Variants in SNX29 observed in about 807,000 individuals in gnomAD.
SNX29 encodes sorting nexin 29.
In SNX29, 78 loss-of-function variants were observed where a neutral mutation model predicts 102.1. The observed-to-expected ratio is 0.76, with a 90% CI of 0.64 to 0.92. The LOEUF is 0.92. Among genes scored for constraint, SNX29 ranks in the 40% least tolerant of loss-of-function variants. The probability of loss-of-function intolerance (pLI) is 0.00; values close to 1 mark genes in which losing one functional copy is unlikely to be tolerated. For synonymous variants in SNX29, 580 were observed against 414.5 expected (o/e 1.40, Z -4.85); for missense variants, 1,280 against 1,061.7 (o/e 1.21, Z -2.86).
chr16:12,495,237 T>C (rs2151875826), intron 19 of SNX29, among the ~76,000 whole-genome samples: 1 of 152,252 alleles, frequency 6.6e-6, no homozygotes, highest in East Asian at 1.9e-4. Context: ...CTGCACCCTC[T>C]ACCTCCCAGG....
intron 14 of SNX29, among the ~76,000 whole-genome samples, chr16:12,205,673 C>T (rs2077028247): frequency 6.6e-6 from 1 of 152,260 alleles, no homozygotes; most frequent in Non-Finnish European, 1.5e-5. Context: ...CTCCTCTTGA[C>T]TGCCCTGTCT....
At chr16:12,483,095 T>C (rs2088025802) in intron 19 of SNX29, among the ~76,000 whole-genome samples, 1 of 147,522 alleles carries the variant, frequency 6.8e-6, no homozygotes. Flanking sequence ...CCACAATAGA[T>C]ACATATTGAA....
intron 20 of SNX29, among the ~76,000 whole-genome samples, chr16:12,563,526 T>G (rs2078849148): frequency 6.6e-6 from 1 of 152,074 alleles, no homozygotes; most frequent in Non-Finnish European, 1.5e-5. Context: ...ATGTGAAAAA[T>G]TGAGTTGTCT....
chr16:12,043,231 A>G (rs2049957680), intron 5 of SNX29, among the ~76,000 whole-genome samples, 154 bp downstream of exon 5: 1 of 152,070 alleles, frequency 6.6e-6, no homozygotes, highest in Non-Finnish European at 1.5e-5. Flanking sequence ...TGAGCTGTGG[A>G]GAAACTTGGG....
chr16:12,524,966 C>G, intron 20 of SNX29, 125 bp downstream of exon 20: 2 of 1,350,098 alleles, frequency 1.5e-6, no homozygotes, highest in Non-Finnish European at 2.0e-6. Flanking sequence ...CCCAGGCGAA[C>G]TCCAGGGGCT....
intron 15 of SNX29, among the ~76,000 whole-genome samples, chr16:12,326,050 G>C (rs1031986277): frequency 6.6e-6 from 1 of 151,702 alleles, no homozygotes; most frequent in African/African-American, 2.4e-5. Flanking sequence ...TTTTGAGATG[G>C]AGCCTCACTC....
chr16:12,129,296 A>G (rs1309872244), intron 12 of SNX29, among the ~76,000 whole-genome samples: 1 of 152,200 alleles, frequency 6.6e-6, no homozygotes, highest in Non-Finnish European at 1.5e-5. Flanking sequence ...GTAATGTGCT[A>G]CACCTTTGAG....
At chr16:12,321,858 C>T (rs148365442) in intron 15 of SNX29, among the ~76,000 whole-genome samples, 456 of 152,272 alleles carry the variant, frequency 3.0e-3, no homozygotes, top group African/African-American at 0.011. Flanking sequence ...GTGGGGAAGA[C>T]AGAGAGCCGG....
In SNX29 at chr16:12,102,499, G is replaced by A. The variant is rs565835924; in HGVS notation, c.1402+23584G>A. On this transcript the variant is annotated intron_variant, in intron 11 of 20. Transcript: ENST00000566228. ...TGGTATCTCATTGTGGTTTTGATTT[G>A]CATTTCTCTAATGGCCAGTGATGAT... 3.9e-5 allele frequency among the ~76,000 whole-genome samples: 6 copies of A among 152,240 alleles called. No individual in the cohort carries two copies. The East Asian group carries it at 1.2e-3, about 29-fold the overall frequency.
intron 14 of SNX29, among the ~76,000 whole-genome samples, chr16:12,210,110 G>C (rs2077144228): frequency 6.6e-6 from 1 of 152,170 alleles, no homozygotes; most frequent in Admixed American, 6.5e-5. Context: ...CAATCCATGT[G>C]GTTTATGTGG....
chr16:12,030,097 C>T (rs1416206047), intron 4 of SNX29, among the ~76,000 whole-genome samples: 8 of 152,218 alleles, frequency 5.3e-5, no homozygotes, highest in Admixed American at 4.6e-4. Flanking sequence ...CCTTCCCTTG[C>T]TTTCTGCGAT....
At chr16:12,275,908 G>C (rs916949050) in intron 14 of SNX29, among the ~76,000 whole-genome samples, 3 of 145,006 alleles carry the variant, frequency 2.1e-5, no homozygotes, top group African/African-American at 5.2e-5. Flanking sequence ...TTTTTGGGGG[G>C]CGTGGTCAGA....
chr16:12,298,209 T>C (rs1055410869), intron 15 of SNX29, among the ~76,000 whole-genome samples: 1 of 152,168 alleles, frequency 6.6e-6, no homozygotes, highest in Non-Finnish European at 1.5e-5. Flanking sequence ...AGTCATGGCA[T>C]AATTGATGTG....
chr16:12,446,832 C>A (rs2086076723), intron 18 of SNX29, among the ~76,000 whole-genome samples: 1 of 152,046 alleles, frequency 6.6e-6, no homozygotes. Flanking sequence ...TCCCAACGAG[C>A]TGCCTCATGT....
intron 20 of SNX29, among the ~76,000 whole-genome samples, chr16:12,531,065 T>C (rs1280172385): frequency 6.6e-6 from 1 of 152,274 alleles, no homozygotes; most frequent in Non-Finnish European, 1.5e-5. Context: ...GAAGCCATTC[T>C]GGCTTAGAGG....
rs532563930 is a variant in SNX29 at position 12,477,502 on chromosome 16, T to G, written c.2038-217T>G. 2.0e-5 allele frequency among the ~76,000 whole-genome samples: 3 copies of G among 152,344 alleles called. No homozygotes were observed. In the East Asian group the frequency reaches 5.8e-4, roughly 29 times the overall value. ...TGGGAAAATAGCATACAGTATGTTCTTCCCATAACTTGCCTGATTTAGTCA... is the reference window on the plus strand; with the variant it reads ...TGGGAAAATAGCATACAGTATGTTCGTCCCATAACTTGCCTGATTTAGTCA... On this transcript the variant is annotated intron_variant, in intron 18 of 20. Transcript: ENST00000566228.
intron 16 of SNX29, among the ~76,000 whole-genome samples, chr16:12,395,846 T>C (rs2083701592): frequency 6.6e-6 from 1 of 152,268 alleles, no homozygotes; most frequent in Admixed American, 6.5e-5. Context: ...CAAGTCTAGC[T>C]AATATCTGGC....
At chr16:12,326,831 G>A (rs2081135423) in intron 15 of SNX29, among the ~76,000 whole-genome samples, 1 of 152,234 alleles carries the variant, frequency 6.6e-6, no homozygotes, top group African/African-American at 2.4e-5. Flanking sequence ...GGGCCACTGG[G>A]CCTTGCGGGA....
intron 20 of SNX29, among the ~76,000 whole-genome samples, chr16:12,548,435 C>T (rs1272763422): frequency 6.6e-6 from 1 of 152,212 alleles, no homozygotes; most frequent in African/African-American, 2.4e-5. Context: ...GTGCCACATC[C>T]CTGTACCATG....
Sources: allele counts gnomAD v4.1 joint callset (sites outside exome capture counted in the v4.1 genomes callset), GRCh38; gene constraint gnomAD v4.1.1; transcripts MANE v1.5; gene names NCBI Gene and HGNC (gene_info 2026-07-23, HGNC 2026-07-21).